The following MTHFD2L variants were observed in gnomAD, a reference collection of about 807,000 sequenced individuals.
The protein encoded by MTHFD2L is methylenetetrahydrofolate dehydrogenase (NADP+ dependent) 2 like, also known as bifunctional methylenetetrahydrofolate dehydrogenase/cyclohydrolase 2, mitochondrial.
MTHFD2L carries 29 observed loss-of-function variants against 34.9 expected under a neutral mutation model. That is an observed-to-expected ratio of 0.83 (90% CI 0.62 to 1.13). MTHFD2L has a LOEUF of 1.13. Ranked by LOEUF, MTHFD2L falls within the 50% of genes most tolerant of loss-of-function variation. The probability of loss-of-function intolerance (pLI) is 0.00; values close to 1 mark genes in which losing one functional copy is unlikely to be tolerated. For missense variants in MTHFD2L, 481 were observed against 446.5 expected, an observed-to-expected ratio of 1.08 and a Z score of -0.70; for synonymous variants, 167 against 155.7, an observed-to-expected ratio of 1.07 and a Z score of -0.54.
chr4:74,161,140 C>A (rs1252008249), intron 1 of MTHFD2L: 1 of 152,114 alleles, frequency 6.6e-6, no homozygotes, highest in Non-Finnish European at 1.5e-5. Flanking sequence ...CTGGCATCGG[C>A]TGTATAATTT....
chr4:74,167,882 G>A (rs985740674), intron 1 of MTHFD2L, among the ~76,000 whole-genome samples: 5 of 152,134 alleles, frequency 3.3e-5, no homozygotes, highest in Admixed American at 6.5e-5. Context: ...GGTCAGAAAT[G>A]TTAGAGTCAT....
At chr4:74,177,989 G>C (rs1486744422) in intron 3 of MTHFD2L, among the ~76,000 whole-genome samples, 2 of 151,934 alleles carry the variant, frequency 1.3e-5, no homozygotes, top group Admixed American at 1.3e-4. Context: ...TAAGTAGAAT[G>C]AGCTAGGCAC....
intron 1 of MTHFD2L, among the ~76,000 whole-genome samples, chr4:74,144,752 T>C (rs1723487823): frequency 6.6e-6 from 1 of 152,190 alleles, no homozygotes; most frequent in African/African-American, 2.4e-5. Context: ...TTGTTTTTTC[T>C]CTGTACATTT....
intron 7 of MTHFD2L, among the ~76,000 whole-genome samples, chr4:74,287,194 G>A (rs16850852): frequency 0.044 from 6,643 of 152,226 alleles, 445 homozygotes; most frequent in African/African-American, 0.15. Context: ...TTTTGTACTA[G>A]AGTTGCTTCC....
intron 5 of MTHFD2L, among the ~76,000 whole-genome samples, chr4:74,209,116 C>T (rs1249057214): frequency 3.9e-5 from 6 of 152,020 alleles, no homozygotes; most frequent in African/African-American, 1.5e-4. Flanking sequence ...AAGGACAGCT[C>T]AAAAATCCTA....
chr4:74,115,852 C>T (rs988586176), intron 2 of MTHFD2L, among the ~76,000 whole-genome samples: 12 of 152,150 alleles, frequency 7.9e-5, no homozygotes, highest in African/African-American at 2.7e-4. Context: ...CACCGTTTGT[C>T]GTGCTACTAC....
chr4:74,264,406 C>G (rs1011432094), intron 6 of MTHFD2L, among the ~76,000 whole-genome samples: 2 of 151,810 alleles, frequency 1.3e-5, no homozygotes, highest in African/African-American at 4.8e-5. Flanking sequence ...CTCAACCCCT[C>G]CAACCCAAGA....
At chr4:74,243,143 G>A (rs1260131765) in intron 6 of MTHFD2L, among the ~76,000 whole-genome samples, 1 of 152,174 alleles carries the variant, frequency 6.6e-6, no homozygotes, top group Non-Finnish European at 1.5e-5. Context: ...AAAGGATGTG[G>A]CCTCTCAGCT....
chr4:74,255,197 A>G (rs891917687), intron 6 of MTHFD2L, among the ~76,000 whole-genome samples: 1 of 151,394 alleles, frequency 6.6e-6, no homozygotes, highest in Non-Finnish European at 1.5e-5. Flanking sequence ...AAAAAAATGT[A>G]AATTGTGACA....
chr4:74,132,805 T>G (rs144821918), intron 1 of MTHFD2L, among the ~76,000 whole-genome samples: 2 of 152,310 alleles, frequency 1.3e-5, no homozygotes, highest in Non-Finnish European at 2.9e-5. Context: ...TTTTATTATA[T>G]CAGTTCGCAT....
At chr4:74,138,479 A>C (rs1723085128) in intron 1 of MTHFD2L, among the ~76,000 whole-genome samples, 1 of 152,194 alleles carries the variant, frequency 6.6e-6, no homozygotes, top group Non-Finnish European at 1.5e-5. Context: ...ATTAGAAGTC[A>C]TGGGTCATGG....
At chr4:74,166,762 T>G (rs1726796935) in intron 1 of MTHFD2L, among the ~76,000 whole-genome samples, 1 of 152,314 alleles carries the variant, frequency 6.6e-6, no homozygotes, top group African/African-American at 2.4e-5. Context: ...CTCTGCAGAC[T>G]TAGGCATCAG....
At chr4:74,166,033 A>C (rs765476382) in intron 1 of MTHFD2L, among the ~76,000 whole-genome samples, 1 of 152,242 alleles carries the variant, frequency 6.6e-6, no homozygotes, top group Non-Finnish European at 1.5e-5. Context: ...AATTTATTCC[A>C]GGAAATTTTA....
At chr4:74,169,499 G>A (rs553648611) in intron 1 of MTHFD2L, among the ~76,000 whole-genome samples, 2 of 152,188 alleles carry the variant, frequency 1.3e-5, no homozygotes, top group Non-Finnish European at 2.9e-5. Flanking sequence ...GCAAGACAGA[G>A]TTCAGATGTT....
At chr4:74,138,258 T>C (rs1034899051) in intron 1 of MTHFD2L, among the ~76,000 whole-genome samples, 18 of 152,174 alleles carry the variant, frequency 1.2e-4, no homozygotes, top group Admixed American at 3.9e-4. Context: ...GTCTTTGCAT[T>C]GAAGTATCAA....
rs1185047840 is a variant in MTHFD2L at position 74,206,412 on chromosome 4, TAGTC to T, written c.712+5043_712+5046del. Among the ~76,000 whole-genome samples, 11 of 152,286 alleles carry T rather than the reference TAGTC, an allele frequency of 7.2e-5. No homozygotes were observed. The South Asian group carries it at 1.2e-3, about 17-fold the overall frequency. On this transcript the variant is annotated intron_variant, in intron 5 of 7. Transcript: ENST00000325278. ...AATTTTGTGGCTGGGTCTCCAGACTTAGTCTGTCTGTCTCAAGATTAGCTCCTGG... is the reference window on the plus strand; with the variant it reads ...AATTTTGTGGCTGGGTCTCCAGACTTTGTCTGTCTCAAGATTAGCTCCTGG...
At chr4:74,120,759 A>G (rs778042686), upstream of MTHFD2L, among the ~76,000 whole-genome samples, 3 of 152,220 alleles carry the variant, frequency 2.0e-5, no homozygotes, top group Non-Finnish European at 4.4e-5. Context: ...TCTCTTATAT[A>G]CATAAGTGAG....
intron 7 of MTHFD2L, among the ~76,000 whole-genome samples, chr4:74,295,536 C>T (rs2110323038): frequency 6.6e-6 from 1 of 152,290 alleles, no homozygotes; most frequent in South Asian, 2.1e-4. Context: ...AGATATTAAA[C>T]TCACTTCATT....
intron 3 of MTHFD2L, chr4:74,194,186 T>TA (rs1733073191): frequency 6.6e-6 from 1 of 152,200 alleles, no homozygotes; most frequent in Admixed American, 6.5e-5. Flanking sequence ...CATTCAGAGA[T>TA]ACAGAATTTG....
Sources: allele counts gnomAD v4.1 joint callset (sites outside exome capture counted in the v4.1 genomes callset), GRCh38; gene constraint gnomAD v4.1.1; transcripts MANE v1.5; gene names NCBI Gene and HGNC (gene_info 2026-07-23, HGNC 2026-07-21).